Variants in TLN2 observed in about 807,000 individuals in gnomAD.
TLN2 encodes talin 2, also known as talin-2.
A neutral mutation model predicts 294.7 loss-of-function variants in TLN2; 118 were observed. The ratio of observed to expected loss-of-function variants is 0.40; its 90% confidence interval spans 0.34 to 0.47. The LOEUF is 0.47. Among genes scored for constraint, TLN2 ranks in the 20% least tolerant of loss-of-function variants. TLN2 has a pLI of 0.84. For synonymous variants in TLN2, 1,431 were observed against 1,304.5 expected, an observed-to-expected ratio of 1.10 and a Z score of -2.09; for missense variants, 3,083 against 3,282.2, an observed-to-expected ratio of 0.94 and a Z score of 1.48.
chr15:62,665,000 T>TTAG (rs545562046), intron 9 of TLN2, among the ~76,000 whole-genome samples: 599 of 36,446 alleles, frequency 0.016, 4 homozygotes, highest in African/African-American at 0.023. Flanking sequence ...GTATTTCTCC[T>TTAG]TGGTGGTAGG....
chr15:62,752,486 G>A (rs145056267), intron 35 of TLN2, 59 bp downstream of exon 35: 2 of 1,584,594 alleles, frequency 1.3e-6, no homozygotes, highest in Non-Finnish European at 1.7e-6. Flanking sequence ...TGGGAGGTGT[G>A]GGGGAACTCC....
At chr15:62,763,055 T>A (rs2141024966) in intron 39 of TLN2, among the ~76,000 whole-genome samples, 1 of 152,358 alleles carries the variant, frequency 6.6e-6, no homozygotes, top group Admixed American at 6.5e-5. Context: ...TGCTTCCTAG[T>A]TGCTTTTGAA....
intron 40 of TLN2, among the ~76,000 whole-genome samples, chr15:62,764,112 G>A (rs553061192): frequency 1.3e-4 from 20 of 152,146 alleles, no homozygotes; most frequent in Non-Finnish European, 1.9e-4. Context: ...AGCATTAAAC[G>A]AATGCATTTG....
chr15:62,457,842 C>T (rs1261288731), intron 1 of TLN2, among the ~76,000 whole-genome samples: 1 of 152,190 alleles, frequency 6.6e-6, no homozygotes, highest in African/African-American at 2.4e-5. Context: ...TTCAGGTCCC[C>T]TCTGCTGTGT....
At chr15:62,422,697 C>G (rs2034484278) in intron 1 of TLN2, among the ~76,000 whole-genome samples, 1 of 152,144 alleles carries the variant, frequency 6.6e-6, no homozygotes, top group South Asian at 2.1e-4. Context: ...CAGGAAGGCT[C>G]CAGAACCACT....
At chr15:62,668,298 A>G (rs573187099) in intron 9 of TLN2, among the ~76,000 whole-genome samples, 1 of 152,242 alleles carries the variant, frequency 6.6e-6, no homozygotes, top group Non-Finnish European at 1.5e-5. Flanking sequence ...AAATTCCTTC[A>G]CTATATATTA....
intron 1 of TLN2, among the ~76,000 whole-genome samples, chr15:62,412,092 G>A (rs540821968): frequency 4.0e-5 from 6 of 149,870 alleles, no homozygotes; most frequent in Admixed American, 1.3e-4. Context: ...TTGTCCCTGC[G>A]ATTTAAAATC....
In TLN2 at chr15:62,736,953, C is replaced by G; in HGVS notation, c.3434C>G (p.Thr1145Ser). The change falls in exon 29 of 59, where the codon ACC becomes AGC. Residue 1145 changes from threonine (T) to serine (S), a missense_variant. Thr to Ser is a moderately conservative substitution (Grantham distance 58). Coordinates refer to ENST00000636159, the MANE Select transcript of TLN2 (RefSeq NM_015059.3). ...QAARGVAAST[T>S]DPAAAHAMLD... is the part of the protein sequence containing the mutation. ...GCCCGTGGAGTGGCTGCATCGACAA[C>G]CGACCCCGCGGCCGCCCATGCCATG... is the stretch of plus-strand genomic sequence containing the variant. The G allele has an allele frequency of 6.2e-7, 1 of 1,614,190 alleles. No homozygotes were observed. Among genetic ancestry groups the G allele is most frequent in the Non-Finnish European group, 8.5e-7 (1 of 1,180,036 alleles).
At chr15:62,420,223 T>C (rs184213430) in intron 1 of TLN2, among the ~76,000 whole-genome samples, 2 of 152,224 alleles carry the variant, frequency 1.3e-5, no homozygotes, top group Non-Finnish European at 2.9e-5. Flanking sequence ...GTATTTAAAA[T>C]TTTTAAATGC....
intron 2 of TLN2, among the ~76,000 whole-genome samples, chr15:62,613,574 A>G (rs550622824): frequency 3.3e-5 from 5 of 152,310 alleles, no homozygotes; most frequent in African/African-American, 1.2e-4. Flanking sequence ...TCTACTTGAC[A>G]TTTACCCAAG....
chr15:62,452,960 G>A (rs2036244910), intron 1 of TLN2, among the ~76,000 whole-genome samples: 1 of 152,210 alleles, frequency 6.6e-6, no homozygotes, highest in Admixed American at 6.5e-5. Context: ...AGGGTTGCCA[G>A]ATAAAATGCA....
chr15:62,479,883 G>A lies in TLN2; in HGVS notation c.-238+89198G>A, dbSNP rs547197597. Among the ~76,000 whole-genome samples, 128 of 152,350 alleles carry A rather than the reference G, an allele frequency of 8.4e-4. 1 individual carries two copies. The highest frequency in any genetic ancestry group is 6.0e-4 in the Non-Finnish European group (41 of 68,042). On this transcript the variant is annotated intron_variant, in intron 1 of 58. Coordinates refer to ENST00000636159, the MANE Select transcript of TLN2 (RefSeq NM_015059.3). Reference sequence around the variant, plus strand: ...AGGACTGTGAGCTCGATAAACATCTGTTAAATAAACTCAACAAAGTAATTC... The same window carrying A: ...AGGACTGTGAGCTCGATAAACATCTATTAAATAAACTCAACAAAGTAATTC...
rs2039554192 is a variant in TLN2 at position 62,505,276 on chromosome 15, G to A, written c.-237-84411G>A. Among the ~76,000 whole-genome samples the A allele has an allele frequency of 2.0e-5, 3 of 152,118 alleles. No individual in the cohort carries two copies. The South Asian group carries it at 6.2e-4, about 32-fold the overall frequency. The stretch of plus-strand genomic sequence containing the variant: ...TCGGCCAAAAACATGTTTCTTACTG[G>A]TACCTTCAGAGGATAATTTTTGGTT... On this transcript the variant is annotated intron_variant, in intron 1 of 58. Transcript: ENST00000636159.
In TLN2 at chr15:62,739,350, A is replaced by G; in HGVS notation, c.3690A>G (p.Leu1230=). 6.2e-7 allele frequency: 1 copy of G among 1,612,572 alleles called. No individual in the cohort carries two copies. Among genetic ancestry groups the G allele is most frequent in the Non-Finnish European group, 8.5e-7 (1 of 1,179,314 alleles). The change falls in exon 31 of 59, where the codon CTA becomes CTG. Residue 1230 remains leucine (L), a splice_region_variant and synonymous_variant. Transcript: ENST00000636159. The part of the protein sequence containing the change: ...ESSKKLLVDS[L]PPSTKPFQEA... ...GGTGTGCCGTCTGTTCCCCACAGCT[A>G]CCTCCAAGCACGAAGCCTTTCCAGG...
At chr15:62,717,172 G>C (rs1265952893) in intron 23 of TLN2, among the ~76,000 whole-genome samples, 1 of 152,180 alleles carries the variant, frequency 6.6e-6, no homozygotes, top group African/African-American at 2.4e-5. Context: ...TAAGGCTTCT[G>C]AGTGCTGAGA....
intron 58 of TLN2, among the ~76,000 whole-genome samples, chr15:62,839,396 A>G (rs540496687): frequency 1.3e-5 from 2 of 152,336 alleles, no homozygotes; most frequent in African/African-American, 2.4e-5. Context: ...CAAGGATTCT[A>G]TTGTAGAAAG....
intron 1 of TLN2, among the ~76,000 whole-genome samples, chr15:62,463,079 T>C (rs1378618459): frequency 6.6e-6 from 1 of 152,214 alleles, no homozygotes; most frequent in Non-Finnish European, 1.5e-5. Flanking sequence ...CCCCTGCCTC[T>C]GGCAGCCCTT....
intron 1 of TLN2, among the ~76,000 whole-genome samples, chr15:62,422,242 A>AG (rs2034450071): frequency 6.6e-6 from 1 of 151,450 alleles, no homozygotes; most frequent in African/African-American, 2.4e-5. Context: ...AAAAAAAAAA[A>AG]AAGACTTGCC....
chr15:62,447,943 A>T (rs1066669), intron 1 of TLN2, among the ~76,000 whole-genome samples: 1 of 151,988 alleles, frequency 6.6e-6, no homozygotes, highest in Non-Finnish European at 1.5e-5. Flanking sequence ...TGCTCGTGAC[A>T]CCAGAATAGA....
Sources: allele counts gnomAD v4.1 joint callset (sites outside exome capture counted in the v4.1 genomes callset), GRCh38; gene constraint gnomAD v4.1.1; transcripts MANE v1.5; gene names NCBI Gene and HGNC (gene_info 2026-07-23, HGNC 2026-07-21).